Variants in UTP18 observed in about 807,000 individuals in gnomAD.
The protein encoded by UTP18 is U3 small nucleolar RNA-associated protein 18 homolog.
A neutral mutation model predicts 61.1 loss-of-function variants in UTP18; 36 were observed. The observed-to-expected ratio is 0.59, with a 90% CI of 0.45 to 0.78. UTP18 has a LOEUF of 0.78. Ranked by LOEUF, UTP18 falls within the 30% of genes least tolerant of loss-of-function variation. The pLI, the probability that UTP18 is intolerant of heterozygous loss-of-function variation, is 0.00. For synonymous variants in UTP18, 282 were observed against 251.1 expected (o/e 1.12, Z -1.16); for missense variants, 753 against 693.9 (o/e 1.09, Z -0.96).
chr17:51,275,197 CAAAAA>C (rs1198501496), intron 5 of UTP18, among the ~76,000 whole-genome samples: 1 of 100,860 alleles, frequency 9.9e-6, no homozygotes, highest in East Asian at 2.9e-4. Context: ...AACCCAGTCT[CAAAAA>C]AAAAAAAAAA....
intron 2 of UTP18, among the ~76,000 whole-genome samples, chr17:51,264,936 G>C (rs1161395229): frequency 6.6e-6 from 1 of 152,072 alleles, no homozygotes; most frequent in African/African-American, 2.4e-5. Flanking sequence ...GTTTGCCTCG[G>C]CCTCCTAAAG....
chr17:51,271,485 A>T lies in UTP18; in HGVS notation c.623-1877A>T, dbSNP rs185118024. The stretch of plus-strand genomic sequence containing the variant: ...CCATGCCCAGCTAATGAAAAAAAAA[A>T]TTTTTTTTTGTAGTGACAGGATCTT... On this transcript the variant is annotated intron_variant, in intron 4 of 13. Coordinates refer to ENST00000225298, the MANE Select transcript of UTP18 (RefSeq NM_016001.3). 3.8e-3 allele frequency among the ~76,000 whole-genome samples: 573 copies of T among 151,004 alleles called. 3 individuals are homozygous for T. Among genetic ancestry groups the T allele is most frequent in the African/African-American group, 5.0e-3 (205 of 41,142 alleles).
intron 7 of UTP18, among the ~76,000 whole-genome samples, chr17:51,279,136 C>T (rs188514538): frequency 1.3e-5 from 2 of 152,236 alleles, no homozygotes; most frequent in East Asian, 3.9e-4. Context: ...GCAATATATT[C>T]ACACGGTGTT....
intron 4 of UTP18, among the ~76,000 whole-genome samples, chr17:51,271,024 C>A (rs775005894): frequency 6.6e-6 from 1 of 152,030 alleles, no homozygotes. Flanking sequence ...TACTGAGTTT[C>A]GTTATAAGAA....
At chr17:51,277,327 A>G (rs745975779) in intron 7 of UTP18, 23 bp downstream of exon 7, 2 of 1,610,574 alleles carry the variant, frequency 1.2e-6, no homozygotes, top group Non-Finnish European at 1.7e-6. Flanking sequence ...TTGAATGCAC[A>G]CAACCAGTCA....
chr17:51,264,111 A>G (rs1216067763), intron 2 of UTP18, among the ~76,000 whole-genome samples: 1 of 150,414 alleles, frequency 6.6e-6, no homozygotes, highest in Non-Finnish European at 1.5e-5. Flanking sequence ...ATCTTGGTTC[A>G]CTGCAACCTC....
At chr17:51,262,018 A>G (rs967798762) in intron 1 of UTP18, among the ~76,000 whole-genome samples, 3 of 152,104 alleles carry the variant, frequency 2.0e-5, no homozygotes, top group Non-Finnish European at 4.4e-5. Context: ...AGTAGAAACC[A>G]CTTGGACATT....
chr17:51,288,056 C>T lies in UTP18; in HGVS notation c.1356C>T (p.Tyr452=). 1 of 1,595,708 alleles carries T rather than the reference C, an allele frequency of 6.3e-7. No homozygotes were observed. Among genetic ancestry groups the T allele is most frequent in the Non-Finnish European group, 8.5e-7 (1 of 1,175,106 alleles). Residue 452 remains tyrosine, a synonymous_variant, in exon 11 of 14, where the codon TAC becomes TAT. Transcript: ENST00000225298. ...CTAATTGTGGAGTGGTAAATATATACAATCAAGATTCTTGTCTCCAAGAAA... is the reference window on the plus strand; with the variant it reads ...CTAATTGTGGAGTGGTAAATATATATAATCAAGATTCTTGTCTCCAAGAAA... ...CGSNCGVVNI[Y]NQDSCLQETN... is the part of the protein sequence containing the mutation.
chr17:51,296,721 C>T, intron 12 of UTP18: 1 of 427,608 alleles, frequency 2.3e-6, no homozygotes, highest in Non-Finnish European at 4.1e-6. Flanking sequence ...TATGTCTGAT[C>T]AGGTATTTCA....
At chr17:51,262,347 G>A (rs1373680552) in intron 1 of UTP18, among the ~76,000 whole-genome samples, 1 of 152,044 alleles carries the variant, frequency 6.6e-6, no homozygotes, top group East Asian at 1.9e-4. Flanking sequence ...GCCTCCCAAA[G>A]TGCTGAGACT....
At chr17:51,294,291 T>C (rs1454248336) in intron 12 of UTP18, among the ~76,000 whole-genome samples, 1 of 151,986 alleles carries the variant, frequency 6.6e-6, no homozygotes, top group Non-Finnish European at 1.5e-5. Context: ...GTTGGTATGC[T>C]GCACCCATTA....
chr17:51,281,575 G>T (rs1340494258), intron 9 of UTP18, among the ~76,000 whole-genome samples: 1 of 152,130 alleles, frequency 6.6e-6, no homozygotes, highest in African/African-American at 2.4e-5. Context: ...GTTTAAGGAG[G>T]ATTTGAGGGC....
chr17:51,278,851 A>G (rs1288265274), intron 7 of UTP18, among the ~76,000 whole-genome samples: 1 of 152,236 alleles, frequency 6.6e-6, no homozygotes, highest in Non-Finnish European at 1.5e-5. Context: ...GAGACTAGTC[A>G]TCAGCAGAAG....
chr17:51,287,323 A>C (rs1567706077), intron 10 of UTP18, among the ~76,000 whole-genome samples: 1 of 152,186 alleles, frequency 6.6e-6, no homozygotes, highest in African/African-American at 2.4e-5. Flanking sequence ...CAAATCTTTA[A>C]GCTTTTAGAA....
intron 2 of UTP18, 61 bp from the exon 3 acceptor site, chr17:51,266,121 C>G: frequency 1.5e-6 from 2 of 1,292,272 alleles, no homozygotes; most frequent in Non-Finnish European, 2.1e-6. Context: ...GTGCTAAAAG[C>G]AGCAGCTATT....
intron 9 of UTP18, among the ~76,000 whole-genome samples, chr17:51,281,036 G>T (rs1904899062): frequency 6.6e-6 from 1 of 151,516 alleles, no homozygotes; most frequent in African/African-American, 2.4e-5. Flanking sequence ...AAATTAGCCA[G>T]GCATGCTGGC....
intron 5 of UTP18, 146 bp from the exon 6 acceptor site, chr17:51,275,720 T>G (rs1232129604): frequency 2.4e-6 from 2 of 837,852 alleles, no homozygotes; most frequent in Non-Finnish European, 3.3e-6. Flanking sequence ...TTTTGTTTTT[T>G]GTTTTTTTTT....
At position 51,277,317 on chromosome 17, in the gene UTP18, T is replaced by C. The variant is rs771003186; in HGVS notation, c.1012+13T>C. The C allele has an allele frequency of 1.9e-6, 3 of 1,613,134 alleles. No individual in the cohort carries two copies. Among genetic ancestry groups the C allele is most frequent in the South Asian group, 2.2e-5 (2 of 91,030 alleles). On this transcript the variant is annotated intron_variant, in intron 7 of 13. Transcript: ENST00000225298. Reference sequence around the variant, plus strand: ...CATCAAGTGAGAGGTAAGATTTCTGTTGAATGCACACAACCAGTCATTCCC... The same window carrying C: ...CATCAAGTGAGAGGTAAGATTTCTGCTGAATGCACACAACCAGTCATTCCC...
At chr17:51,274,712 A>G (rs1052956932) in intron 5 of UTP18, among the ~76,000 whole-genome samples, 4 of 151,712 alleles carry the variant, frequency 2.6e-5, no homozygotes, top group African/African-American at 9.7e-5. Flanking sequence ...TCAGCTCCCA[A>G]CGTGCTGGGA....
Sources: allele counts gnomAD v4.1 joint callset (sites outside exome capture counted in the v4.1 genomes callset), GRCh38; gene constraint gnomAD v4.1.1; transcripts MANE v1.5; gene names NCBI Gene and HGNC (gene_info 2026-07-23, HGNC 2026-07-21).